Variants in PDLIM5 observed in about 807,000 individuals in gnomAD.
PDLIM5 encodes the protein PDZ and LIM domain 5.
Under a neutral mutation model 64.2 loss-of-function variants are expected in PDLIM5, and 34 were observed. The ratio of observed to expected loss-of-function variants is 0.53; its 90% CI spans 0.40 to 0.71. The LOEUF is 0.71. PDLIM5 is among the 30% of genes least tolerant of loss of function. PDLIM5 has a pLI of 0.00. For synonymous variants in PDLIM5, 253 were observed against 269.1 expected, an observed-to-expected ratio of 0.94 and a Z score of 0.59; for missense variants, 683 against 733.6, an observed-to-expected ratio of 0.93 and a Z score of 0.80.
chr4:94,499,779 G>T (rs1727746519), intron 2 of PDLIM5, among the ~76,000 whole-genome samples: 1 of 152,140 alleles, frequency 6.6e-6, no homozygotes, highest in African/African-American at 2.4e-5. Context: ...ACCAGCAGTG[G>T]CATTAGATTC....
At chr4:94,615,643 C>G (rs1258072573) in intron 7 of PDLIM5, among the ~76,000 whole-genome samples, 3 of 152,176 alleles carry the variant, frequency 2.0e-5, no homozygotes, top group African/African-American at 7.2e-5. Flanking sequence ...GTATGTCATG[C>G]TGAAATATAA....
chr4:94,604,839 A>T (rs1258383923), intron 7 of PDLIM5, among the ~76,000 whole-genome samples: 1 of 152,166 alleles, frequency 6.6e-6, no homozygotes, highest in Non-Finnish European at 1.5e-5. Context: ...TAAGATAGTA[A>T]GTTTCATGTT....
chr4:94,513,398 C>A (rs1729072131), intron 2 of PDLIM5, among the ~76,000 whole-genome samples: 1 of 152,112 alleles, frequency 6.6e-6, no homozygotes, highest in African/African-American at 2.4e-5. Context: ...CTGTCCTCTT[C>A]CATTTCTTTC....
At chr4:94,540,033 T>C (rs942915361) in intron 3 of PDLIM5, among the ~76,000 whole-genome samples, 10 of 151,990 alleles carry the variant, frequency 6.6e-5, no homozygotes, top group Admixed American at 2.0e-4. Flanking sequence ...ATAATACTTA[T>C]AGAGCAGGTA....
chr4:94,484,509 G>A (rs1225217418), intron 2 of PDLIM5, among the ~76,000 whole-genome samples: 1 of 152,120 alleles, frequency 6.6e-6, no homozygotes, highest in African/African-American at 2.4e-5. Flanking sequence ...TAAGTATACT[G>A]AAAATAACTT....
At chr4:94,531,033 A>G (rs1361187013) in intron 3 of PDLIM5, among the ~76,000 whole-genome samples, 1 of 152,104 alleles carries the variant, frequency 6.6e-6, no homozygotes, top group African/African-American at 2.4e-5. Context: ...ATTTCAGTTC[A>G]TGTGAATTAA....
At chr4:94,578,638 A>G (rs1735484300) in intron 5 of PDLIM5, among the ~76,000 whole-genome samples, 2 of 152,284 alleles carry the variant, frequency 1.3e-5, no homozygotes, top group Middle Eastern at 3.4e-3. Flanking sequence ...GTGATGTGTC[A>G]TTTTGAAGAG....
chr4:94,636,539 CT>C (rs770256162), intron 8 of PDLIM5, among the ~76,000 whole-genome samples: 156 of 133,844 alleles, frequency 1.2e-3, no homozygotes, highest in East Asian at 5.0e-3. Context: ...AGAGTTCGTA[CT>C]TTTTTTTTTT....
intron 2 of PDLIM5, among the ~76,000 whole-genome samples, chr4:94,520,043 A>G (rs1729694692): frequency 1.3e-5 from 2 of 152,172 alleles, no homozygotes; most frequent in African/African-American, 2.4e-5. Flanking sequence ...CTTGGTAAAG[A>G]TAACACTCTC....
intron 3 of PDLIM5, among the ~76,000 whole-genome samples, chr4:94,566,909 G>A (rs1734370995): frequency 6.6e-6 from 1 of 152,214 alleles, no homozygotes; most frequent in Non-Finnish European, 1.5e-5. Flanking sequence ...TTTAAAGCCT[G>A]TGAAAAAGAA....
At chr4:94,658,779 G>C (rs1560771642) in intron 11 of PDLIM5, among the ~76,000 whole-genome samples, 1 of 152,180 alleles carries the variant, frequency 6.6e-6, no homozygotes, top group African/African-American at 2.4e-5. Flanking sequence ...TTCCAGTGAA[G>C]TACCCCATGG....
intron 2 of PDLIM5, among the ~76,000 whole-genome samples, chr4:94,459,166 T>C (rs183928413): frequency 6.6e-6 from 1 of 152,338 alleles, no homozygotes; most frequent in African/African-American, 2.4e-5. Flanking sequence ...ATAAAGATTA[T>C]ATATTTGTGA....
chr4:94,651,363 A>G (rs1162454850), intron 9 of PDLIM5, among the ~76,000 whole-genome samples: 1 of 152,164 alleles, frequency 6.6e-6, no homozygotes, highest in Non-Finnish European at 1.5e-5. Flanking sequence ...ACTGTCTAAA[A>G]TTCCTTTTGC....
At chr4:94,510,524 A>G (rs1162259931) in intron 2 of PDLIM5, among the ~76,000 whole-genome samples, 1 of 152,152 alleles carries the variant, frequency 6.6e-6, no homozygotes, top group African/African-American at 2.4e-5. Context: ...ACGAAAACGC[A>G]GACCTTTTAG....
At chr4:94,546,832 C>CA (rs1275085607) in intron 3 of PDLIM5, among the ~76,000 whole-genome samples, 5 of 59,926 alleles carry the variant, frequency 8.3e-5, no homozygotes, top group Admixed American at 3.2e-4. Context: ...TGACATTAGG[C>CA]CCCCCCCACC....
At chr4:94,511,520 A>G (rs979554357) in intron 2 of PDLIM5, among the ~76,000 whole-genome samples, 2 of 152,108 alleles carry the variant, frequency 1.3e-5, no homozygotes, top group African/African-American at 4.8e-5. Flanking sequence ...TATTGACTAT[A>G]GTCACCCTGT....
At chr4:94,611,059 T>G (rs1342292030) in intron 7 of PDLIM5, 4 of 1,531,334 alleles carry the variant, frequency 2.6e-6, no homozygotes, top group Non-Finnish European at 3.5e-6. Context: ...TCTTTCTAAA[T>G]GCTTACCAGG....
chr4:94,535,713 T>A (rs1269377854), intron 3 of PDLIM5, among the ~76,000 whole-genome samples: 3 of 152,150 alleles, frequency 2.0e-5, no homozygotes, highest in Non-Finnish European at 4.4e-5. Flanking sequence ...TTAAGATTCG[T>A]GTTTCAGCAT....
chr4:94,477,023 T>C (rs1329759079), intron 2 of PDLIM5, among the ~76,000 whole-genome samples: 1 of 152,202 alleles, frequency 6.6e-6, no homozygotes, highest in Non-Finnish European at 1.5e-5. Context: ...TATTTTAAGA[T>C]AGAGATTTAG....
Sources: allele counts gnomAD v4.1 joint callset (sites outside exome capture counted in the v4.1 genomes callset), GRCh38; gene constraint gnomAD v4.1.1; transcripts MANE v1.5; gene names NCBI Gene and HGNC (gene_info 2026-07-23, HGNC 2026-07-21).